KIFAP3: variants seen among roughly 807,000 people sequenced by gnomAD.
The protein encoded by KIFAP3 is kinesin-associated protein 3.
KIFAP3 carries 68 observed loss-of-function variants against 106.5 expected under a neutral mutation model. The observed-to-expected ratio is 0.64, with a 90% CI of 0.53 to 0.78. The LOEUF is 0.78. Among genes scored for constraint, KIFAP3 ranks in the 30% least tolerant of loss-of-function variants. The pLI is 0.00. For missense variants in KIFAP3, 780 were observed against 941.8 expected (o/e 0.83, Z 2.25); for synonymous variants, 320 against 311.5 (o/e 1.03, Z -0.29).
intron 3 of KIFAP3, among the ~76,000 whole-genome samples, chr1:170,043,986 T>C (rs139722214): frequency 1.3e-5 from 2 of 152,242 alleles, no homozygotes; most frequent in Non-Finnish European, 1.5e-5. Context: ...GGGATGATGT[T>C]GAGGTGATTA....
chr1:170,012,384 A>G (rs12143781), intron 10 of KIFAP3, among the ~76,000 whole-genome samples: 9,591 of 152,202 alleles, frequency 0.063, 382 homozygotes, highest in Non-Finnish European at 0.095. Flanking sequence ...AGTAAGAACA[A>G]TAACAGCTAC....
chr1:169,978,633 C>T (rs1218963235), intron 15 of KIFAP3, among the ~76,000 whole-genome samples: 1 of 151,896 alleles, frequency 6.6e-6, no homozygotes, highest in Non-Finnish European at 1.5e-5. Context: ...ATCATAAAGG[C>T]TAATTAATAA....
chr1:170,002,184 C>T (rs1206954008), intron 10 of KIFAP3, among the ~76,000 whole-genome samples: 1 of 152,146 alleles, frequency 6.6e-6, no homozygotes, highest in Non-Finnish European at 1.5e-5. Context: ...CCTGGTCTGA[C>T]TCCTTACATG....
chr1:170,045,006 T>G (rs753835130), intron 3 of KIFAP3, among the ~76,000 whole-genome samples: 1 of 152,260 alleles, frequency 6.6e-6, no homozygotes, highest in African/African-American at 2.4e-5. Context: ...TTCATAAGTA[T>G]TCTTATTTTA....
intron 19 of KIFAP3, among the ~76,000 whole-genome samples, chr1:169,944,523 G>A (rs1409953260): frequency 6.6e-6 from 1 of 152,146 alleles, no homozygotes; most frequent in Non-Finnish European, 1.5e-5. Flanking sequence ...GTGAGTGGGG[G>A]CGACGTGTTT....
intron 9 of KIFAP3, among the ~76,000 whole-genome samples, chr1:170,021,941 CTTTTTT>C (rs71125221): frequency 3.0e-4 from 23 of 77,906 alleles, no homozygotes; most frequent in African/African-American, 1.0e-3. Flanking sequence ...TCTTTTCTTT[CTTTTTT>C]TTTTTTTTTT....
intron 8 of KIFAP3, chr1:170,024,813 C>T (rs1229003175): frequency 2.9e-6 from 1 of 344,472 alleles, no homozygotes; most frequent in African/African-American, 2.1e-5. Flanking sequence ...ACAAAACACA[C>T]ATATAAAATA....
chr1:170,065,805 T>C (rs1370327702), intron 1 of KIFAP3, among the ~76,000 whole-genome samples: 1 of 152,180 alleles, frequency 6.6e-6, no homozygotes, highest in African/African-American at 2.4e-5. Context: ...GTTCAAAGTG[T>C]TCATTAGCCA....
At chr1:170,055,092 A>G (rs1670774390) in intron 2 of KIFAP3, among the ~76,000 whole-genome samples, 1 of 152,362 alleles carries the variant, frequency 6.6e-6, no homozygotes, top group South Asian at 2.1e-4. Flanking sequence ...GTATGTTACA[A>G]CAGGTTCCTA....
chr1:169,945,171 C>T (rs1005734209), intron 19 of KIFAP3, among the ~76,000 whole-genome samples: 3 of 152,096 alleles, frequency 2.0e-5, no homozygotes, highest in African/African-American at 4.8e-5. Flanking sequence ...GTGTCAGTAC[C>T]GCCCCAAGTG....
intron 10 of KIFAP3, among the ~76,000 whole-genome samples, chr1:170,014,575 C>T (rs1668411819): frequency 6.6e-6 from 1 of 152,006 alleles, no homozygotes; most frequent in Non-Finnish European, 1.5e-5. Flanking sequence ...CTTTTGAATC[C>T]CTATATATCT....
intron 17 of KIFAP3, among the ~76,000 whole-genome samples, chr1:169,964,816 A>G (rs548118449): frequency 2.6e-5 from 4 of 152,234 alleles, no homozygotes; most frequent in African/African-American, 9.6e-5. Flanking sequence ...AATGCTAAAT[A>G]TAACTGTGAA....
chr1:170,018,486 G>A (rs1017025679), intron 9 of KIFAP3, among the ~76,000 whole-genome samples: 1 of 151,568 alleles, frequency 6.6e-6, no homozygotes, highest in Non-Finnish European at 1.5e-5. Context: ...ACGTCTTTTA[G>A]TTACAAAGCA....
At chr1:170,055,609 T>C (rs1009153372) in intron 1 of KIFAP3, among the ~76,000 whole-genome samples, 173 bp from the exon 2 acceptor site, 1 of 152,148 alleles carries the variant, frequency 6.6e-6, no homozygotes, top group African/African-American at 2.4e-5. Flanking sequence ...TACATATATA[T>C]GTATATATGT....
chr1:170,020,144 T>TA (rs568581979), intron 9 of KIFAP3, among the ~76,000 whole-genome samples: 2 of 152,032 alleles, frequency 1.3e-5, no homozygotes, highest in South Asian at 2.1e-4. Flanking sequence ...ATGGAAGAAA[T>TA]AAAAAAAGAC....
intron 11 of KIFAP3, among the ~76,000 whole-genome samples, chr1:169,987,221 CTGTTT>C (rs1480387893): frequency 6.6e-6 from 1 of 151,994 alleles, no homozygotes; most frequent in Non-Finnish European, 1.5e-5. Context: ...TAGATTTGTT[CTGTTT>C]TAACTATGTC....
intron 19 of KIFAP3, among the ~76,000 whole-genome samples, chr1:169,937,325 T>C (rs1276070520): frequency 6.6e-6 from 1 of 151,786 alleles, no homozygotes; most frequent in African/African-American, 2.4e-5. Context: ...TTTTATCCTA[T>C]ATTTTGTGCT....
At chr1:170,058,264 C>A (rs1670951604) in intron 1 of KIFAP3, among the ~76,000 whole-genome samples, 1 of 152,046 alleles carries the variant, frequency 6.6e-6, no homozygotes, top group Non-Finnish European at 1.5e-5. Flanking sequence ...AAAAATTATT[C>A]TTTTCAAAAG....
intron 10 of KIFAP3, among the ~76,000 whole-genome samples, chr1:170,004,106 A>G (rs1571644386): frequency 6.6e-6 from 1 of 152,180 alleles, no homozygotes; most frequent in African/African-American, 2.4e-5. Flanking sequence ...CCCATTCACA[A>G]TTGCTTCAAA....
Sources: allele counts gnomAD v4.1 joint callset (sites outside exome capture counted in the v4.1 genomes callset), GRCh38; gene constraint gnomAD v4.1.1; transcripts MANE v1.5; gene names NCBI Gene and HGNC (gene_info 2026-07-23, HGNC 2026-07-21).